The following BCAS1 variants were observed in gnomAD, a reference collection of about 807,000 sequenced individuals.
The protein encoded by BCAS1 is brain enriched myelin associated protein 1, also known as breast carcinoma-amplified sequence 1.
BCAS1 carries 46 observed loss-of-function variants against 65.4 expected under a neutral mutation model. That is an observed-to-expected ratio of 0.70 (90% CI 0.55 to 0.90). The LOEUF (loss-of-function observed/expected upper bound fraction) is 0.90. BCAS1 is among the 40% of genes least tolerant of loss of function. The pLI is 0.00. For missense variants in BCAS1, 793 were observed against 771.2 expected (o/e 1.03, Z -0.33); for synonymous variants, 298 against 293.5 (o/e 1.02, Z -0.16).
chr20:53,992,382 TTC>T (rs1316291166), intron 7 of BCAS1, 128 bp downstream of exon 7: 6 of 685,700 alleles, frequency 8.8e-6, no homozygotes, highest in African/African-American at 1.9e-5. Context: ...TCATCTTTAA[TTC>T]TCTTTTAATG....
At chr20:54,053,103 T>C (rs2092245059) in intron 3 of BCAS1, among the ~76,000 whole-genome samples, 1 of 152,238 alleles carries the variant, frequency 6.6e-6, no homozygotes, top group African/African-American at 2.4e-5. Context: ...GTAAATCACA[T>C]GGTATGTTGT....
chr20:54,057,484 G>A (rs910626184), intron 3 of BCAS1, among the ~76,000 whole-genome samples: 1 of 152,178 alleles, frequency 6.6e-6, no homozygotes, highest in Non-Finnish European at 1.5e-5. Context: ...ACCTAGGTCT[G>A]CCAAGCTTCA....
intron 4 of BCAS1, among the ~76,000 whole-genome samples, chr20:54,001,506 G>A (rs919698832): frequency 5.3e-5 from 8 of 152,236 alleles, no homozygotes; most frequent in East Asian, 3.9e-4. Flanking sequence ...CATTACTGCT[G>A]TAAAACCTAA....
intron 3 of BCAS1, among the ~76,000 whole-genome samples, chr20:54,036,013 T>G (rs1477078789): frequency 6.6e-6 from 1 of 151,148 alleles, no homozygotes; most frequent in African/African-American, 2.4e-5. Flanking sequence ...TGAGAACACA[T>G]GGCCACACAG....
In BCAS1 at chr20:53,995,073, A is replaced by G; in HGVS notation, c.883-17T>C. 1 of 1,606,026 alleles carries G rather than the reference A, an allele frequency of 6.2e-7. No homozygotes were observed. Among genetic ancestry groups the G allele is most frequent in the Non-Finnish European group, 8.5e-7 (1 of 1,173,040 alleles). On this transcript the variant is annotated splice_polypyrimidine_tract_variant and intron_variant, in intron 5 of 12. Coordinates refer to ENST00000688948, the MANE Select transcript of BCAS1 (RefSeq NM_001366298.2). ...AGGTGAAACCTTAAAAGTTTGAGAA[A>G]GCCAAATATTAGAAATCATTGCTCT...
intron 3 of BCAS1, among the ~76,000 whole-genome samples, chr20:54,052,447 T>A (rs1369504520): frequency 6.6e-6 from 1 of 152,224 alleles, no homozygotes; most frequent in East Asian, 1.9e-4. Context: ...CCTTCTTATT[T>A]ATTGCTAAGG....
chr20:53,975,541 A>G (rs2090309762), intron 8 of BCAS1, 111 bp from the exon 9 acceptor site: 1 of 676,956 alleles, frequency 1.5e-6, no homozygotes, highest in Non-Finnish European at 2.5e-6. Context: ...GTTCGGGGAC[A>G]CTGAATTGCC....
intron 3 of BCAS1, among the ~76,000 whole-genome samples, chr20:54,031,679 G>T (rs1187454731): frequency 6.6e-6 from 1 of 151,356 alleles, no homozygotes; most frequent in Non-Finnish European, 1.5e-5. Context: ...TAAACATTTA[G>T]ATCCAGCTGT....
Position 54,033,831 on chromosome 20 carries a change from G to A in BCAS1, c.143-4859C>T, listed in dbSNP as rs146218922. On this transcript the variant is annotated intron_variant, in intron 3 of 12. Coordinates refer to ENST00000688948, the MANE Select transcript of BCAS1 (RefSeq NM_001366298.2). ...CAGCATCATCCTGATATCAAAACCT[G>A]GCAGATATACAACAAGAAAAGCTTC... Among the ~76,000 whole-genome samples, 278 of 151,166 alleles carry A rather than the reference G, an allele frequency of 1.8e-3. 4 individuals carry two copies. Among genetic ancestry groups the A allele is most frequent in the African/African-American group, 6.3e-3 (260 of 41,338 alleles).
At chr20:54,038,625 T>C (rs1321239006) in intron 3 of BCAS1, among the ~76,000 whole-genome samples, 2 of 151,424 alleles carry the variant, frequency 1.3e-5, no homozygotes, top group East Asian at 3.8e-4. Flanking sequence ...AATTTCTTTT[T>C]CTGACAATAC....
chr20:53,963,440 C>T (rs1434756259), intron 10 of BCAS1, among the ~76,000 whole-genome samples: 2 of 151,502 alleles, frequency 1.3e-5, no homozygotes, highest in African/African-American at 2.4e-5. Context: ...GAGATTGTGC[C>T]ATTGCACTCC....
intron 6 of BCAS1, 120 bp downstream of exon 6, chr20:53,994,892 C>CAG: frequency 1.0e-5 from 4 of 382,736 alleles, no homozygotes; most frequent in Non-Finnish European, 1.5e-5. Context: ...ATATGATACA[C>CAG]ACACACACAC....
At chr20:54,024,956 T>C (rs1042004992) in intron 4 of BCAS1, among the ~76,000 whole-genome samples, 2 of 152,216 alleles carry the variant, frequency 1.3e-5, no homozygotes, top group African/African-American at 4.8e-5. Context: ...TGAGGACCGA[T>C]GCACTTATCA....
At chr20:54,048,822 C>A (rs988958681) in intron 3 of BCAS1, among the ~76,000 whole-genome samples, 11 of 152,218 alleles carry the variant, frequency 7.2e-5, no homozygotes, top group Non-Finnish European at 4.4e-5. Flanking sequence ...GCTTAATATG[C>A]CACTGTTCAT....
chr20:54,014,258 C>T (rs532136941), intron 4 of BCAS1, among the ~76,000 whole-genome samples: 13 of 152,302 alleles, frequency 8.5e-5, no homozygotes, highest in African/African-American at 3.1e-4. Flanking sequence ...AACAGGCGTC[C>T]GTGGTGTTAG....
At chr20:54,056,061 G>C (rs2146311965) in intron 3 of BCAS1, among the ~76,000 whole-genome samples, 2 of 152,164 alleles carry the variant, frequency 1.3e-5, no homozygotes, top group East Asian at 3.9e-4. Flanking sequence ...TTGGTCAAAA[G>C]GTACATACTT....
intron 4 of BCAS1, among the ~76,000 whole-genome samples, chr20:54,000,747 T>C (rs1043911714): frequency 6.6e-6 from 1 of 152,194 alleles, no homozygotes; most frequent in Non-Finnish European, 1.5e-5. Context: ...AATTTTTTTT[T>C]CTGCATTGTC....
chr20:53,956,697 CCAGA>C (rs1744547304), intron 11 of BCAS1, among the ~76,000 whole-genome samples: 1 of 150,942 alleles, frequency 6.6e-6, no homozygotes. Flanking sequence ...AGGATTTGAA[CCAGA>C]CAGTTTGAGT....
chr20:54,031,574 A>G (rs2091801322), intron 3 of BCAS1, among the ~76,000 whole-genome samples: 1 of 151,348 alleles, frequency 6.6e-6, no homozygotes, highest in South Asian at 2.1e-4. Context: ...TCCTATTAAA[A>G]AAGAGTTGCA....
Sources: allele counts gnomAD v4.1 joint callset (sites outside exome capture counted in the v4.1 genomes callset), GRCh38; gene constraint gnomAD v4.1.1; transcripts MANE v1.5; gene names NCBI Gene and HGNC (gene_info 2026-07-23, HGNC 2026-07-21).